Variants in OXCT1 observed in about 807,000 individuals in gnomAD.
OXCT1 encodes the protein succinyl-CoA:3-ketoacid coenzyme A transferase 1, mitochondrial.
In OXCT1, 27 loss-of-function variants were observed where a neutral mutation model predicts 69.6. The ratio of observed to expected loss-of-function variants is 0.39; its 90% CI spans 0.29 to 0.54. The LOEUF (loss-of-function observed/expected upper bound fraction) is 0.54, where lower values mean the gene tolerates loss of function less well. Ranked by LOEUF, OXCT1 falls within the 20% of genes least tolerant of loss-of-function variation. The probability of loss-of-function intolerance (pLI) is 0.72; values close to 1 mark genes in which losing one functional copy is unlikely to be tolerated. For missense variants in OXCT1, 437 were observed against 650.2 expected (o/e 0.67, Z 3.57); for synonymous variants, 202 against 217.8 (o/e 0.93, Z 0.64).
chr5:41,849,982 A>G (rs1311104591), intron 5 of OXCT1, 48 bp downstream of exon 5: 1 of 1,595,548 alleles, frequency 6.3e-7, no homozygotes, highest in East Asian at 2.2e-5. Context: ...CCAAAATCCC[A>G]CGTGGAAAGA....
intron 11 of OXCT1, among the ~76,000 whole-genome samples, chr5:41,798,999 G>A (rs982077955): frequency 2.0e-5 from 3 of 152,152 alleles, no homozygotes; most frequent in African/African-American, 7.2e-5. Context: ...TTTCATTTGA[G>A]GTTCCAATGG....
chr5:41,820,639 G>T (rs957795944), intron 7 of OXCT1, among the ~76,000 whole-genome samples: 2 of 152,022 alleles, frequency 1.3e-5, no homozygotes, highest in African/African-American at 4.8e-5. Flanking sequence ...AGAAACATTA[G>T]GTATGGACAG....
chr5:41,805,633 G>T lies in OXCT1; in HGVS notation c.889C>A (p.Pro297Thr). 2 of 1,613,020 alleles carry T rather than the reference G, an allele frequency of 1.2e-6. No homozygotes were observed. The highest frequency in any genetic ancestry group is 8.5e-7 in the Non-Finnish European group (1 of 1,179,320). ...ATTCGTTCCCTTACGTCATCTCCAG[G>T]TTTAGCAGATTTGGCTTCCCCATCT... is the stretch of plus-strand genomic sequence containing the variant. ...EGDGEAKSAK[P>T]GDDVRERIIK... Residue 297 changes from proline (P) to threonine (T), a missense_variant, in exon 9 of 17, where the codon CCT becomes ACT. Physicochemically the swap from Pro to Thr is conservative, Grantham distance 38 (BLOSUM62 -1). This residue lies in a region of OXCT1 where 252 missense variants were observed against 397.4 expected (regional missense o/e 0.63). Coordinates refer to ENST00000196371, the MANE Select transcript of OXCT1 (RefSeq NM_000436.4).
intron 9 of OXCT1, among the ~76,000 whole-genome samples, chr5:41,804,231 G>C (rs918268212): frequency 6.6e-6 from 1 of 152,046 alleles, no homozygotes; most frequent in African/African-American, 2.4e-5. Flanking sequence ...ATAATGCACA[G>C]AACACATTAG....
chr5:41,746,135 G>A (rs1016455590), intron 15 of OXCT1, among the ~76,000 whole-genome samples: 7 of 152,006 alleles, frequency 4.6e-5, no homozygotes, highest in African/African-American at 7.3e-5. Context: ...GATGAACATC[G>A]ATGCAAAAAA....
At chr5:41,739,661 C>A (rs1743062105) in intron 15 of OXCT1, 170 bp from the exon 16 acceptor site, 3 of 577,418 alleles carry the variant, frequency 5.2e-6, no homozygotes, top group Non-Finnish European at 6.4e-6. Context: ...GTCAGGAGAT[C>A]GAGACCATCC....
At chr5:41,793,841 A>G (rs1001497817) in intron 13 of OXCT1, among the ~76,000 whole-genome samples, 162 bp downstream of exon 13, 3 of 152,202 alleles carry the variant, frequency 2.0e-5, no homozygotes, top group Non-Finnish European at 4.4e-5. Flanking sequence ...GCAAAGCTGA[A>G]TACTTCTCAG....
chr5:41,793,793 A>T (rs1159493461), intron 13 of OXCT1, among the ~76,000 whole-genome samples: 3 of 152,222 alleles, frequency 2.0e-5, no homozygotes, highest in African/African-American at 7.2e-5. Flanking sequence ...TTCGGCTCTG[A>T]CCTTGCCTAC....
intron 7 of OXCT1, among the ~76,000 whole-genome samples, chr5:41,828,995 A>ATT (rs1272857148): frequency 6.6e-6 from 1 of 152,178 alleles, no homozygotes. Context: ...TGTAAGTAAT[A>ATT]ACTGTGAACC....
At chr5:41,776,752 G>A (rs1023060378) in intron 13 of OXCT1, among the ~76,000 whole-genome samples, 6 of 152,114 alleles carry the variant, frequency 3.9e-5, no homozygotes, top group South Asian at 4.1e-4. Flanking sequence ...ATCTAAGAAC[G>A]GCATGTGTGG....
chr5:41,770,072 A>G (rs1381306488), intron 13 of OXCT1, among the ~76,000 whole-genome samples: 2 of 152,208 alleles, frequency 1.3e-5, no homozygotes, highest in Admixed American at 6.5e-5. Flanking sequence ...TGCTCATTAG[A>G]CTATGAGCCC....
rs555621680 is a variant in OXCT1, at chr5:41,799,805, C to T, written c.1099+1217G>A. On this transcript the variant is annotated intron_variant, in intron 11 of 16. Coordinates refer to ENST00000196371, the MANE Select transcript of OXCT1 (RefSeq NM_000436.4). ...CAGAGTTGAGTCGTGTTATCTAATTCAACTATTCAACCAGAAGCTGTTTCA... is the reference window on the plus strand; with the variant it reads ...CAGAGTTGAGTCGTGTTATCTAATTTAACTATTCAACCAGAAGCTGTTTCA... 1.1e-4 allele frequency among the ~76,000 whole-genome samples: 17 copies of T among 152,234 alleles called. No individual in the cohort carries two copies. In the East Asian group the frequency reaches 2.7e-3, roughly 24 times the overall value.
At chr5:41,818,727 T>C (rs553293362) in intron 7 of OXCT1, among the ~76,000 whole-genome samples, 1 of 152,328 alleles carries the variant, frequency 6.6e-6, no homozygotes, top group Non-Finnish European at 1.5e-5. Flanking sequence ...GAGGCTGCCA[T>C]ATGCTGCATG....
chr5:41,848,304 T>A (rs372953667), intron 5 of OXCT1, among the ~76,000 whole-genome samples: 1 of 149,352 alleles, frequency 6.7e-6, no homozygotes, highest in South Asian at 2.1e-4. Flanking sequence ...AATGGAAGAA[T>A]ATTCCATGCT....
At chr5:41,735,470 G>A (rs1036979135) in intron 16 of OXCT1, among the ~76,000 whole-genome samples, 2 of 152,194 alleles carry the variant, frequency 1.3e-5, no homozygotes, top group African/African-American at 4.8e-5. Context: ...AGTAGTTTCA[G>A]AGCTGCAAGT....
chr5:41,789,732 G>A (rs1439744000), intron 13 of OXCT1, among the ~76,000 whole-genome samples: 4 of 152,024 alleles, frequency 2.6e-5, no homozygotes, highest in African/African-American at 9.7e-5. Flanking sequence ...AGGACCAAAT[G>A]GACAATACAC....
intron 7 of OXCT1, among the ~76,000 whole-genome samples, chr5:41,815,738 C>A (rs1164692971): frequency 6.6e-6 from 1 of 151,986 alleles, no homozygotes. Flanking sequence ...TTATCATATA[C>A]CCCAAGGAAA....
At chr5:41,808,702 C>T (rs897463491) in intron 7 of OXCT1, among the ~76,000 whole-genome samples, 1 of 152,104 alleles carries the variant, frequency 6.6e-6, no homozygotes, top group Non-Finnish European at 1.5e-5. Context: ...GACCCCTTGC[C>T]ACTGCACTCT....
chr5:41,868,403 G>T lies in OXCT1; in HGVS notation c.78+1878C>A, dbSNP rs370074847. ...ACACATCTGAAAAGTTAAACAAGTAGATAAGTGGTACAGTTCAACAGAAGC... is the reference window on the plus strand; with the variant it reads ...ACACATCTGAAAAGTTAAACAAGTATATAAGTGGTACAGTTCAACAGAAGC... On this transcript the variant is annotated intron_variant, in intron 1 of 16. Coordinates refer to ENST00000196371, the MANE Select transcript of OXCT1 (RefSeq NM_000436.4). Among the ~76,000 whole-genome samples, 7 of 152,266 alleles carry T rather than the reference G, an allele frequency of 4.6e-5. No homozygotes were observed. In the East Asian group the frequency reaches 9.6e-4, roughly 21 times the overall value.
Sources: gnomAD v4.1 joint callset for allele counts (sites outside exome capture counted in the v4.1 genomes callset) on GRCh38, gnomAD v4.1.1 for gene constraint, gnomAD v4.1.1 regional missense constraint, MANE v1.5 for transcripts, NCBI Gene and HGNC (gene_info 2026-07-23, HGNC 2026-07-21) for gene names.